Variants in IL1RAPL1 observed in about 807,000 individuals in gnomAD.
IL1RAPL1 encodes the protein interleukin 1 receptor accessory protein like 1.
In IL1RAPL1, 3 loss-of-function variants were observed where a neutral mutation model predicts 48.4. The observed-to-expected ratio is 0.06, with a 90% CI of 0.03 to 0.16. IL1RAPL1 has a LOEUF of 0.16. Ranked by LOEUF, IL1RAPL1 falls within the 10% of genes least tolerant of loss-of-function variation. IL1RAPL1 has a pLI of 1.00. For missense variants in IL1RAPL1, 349 were observed against 530.6 expected, an observed-to-expected ratio of 0.66 and a Z score of 3.36; for synonymous variants, 185 against 187.7, an observed-to-expected ratio of 0.99 and a Z score of 0.12.
At chrX:29,607,839 C>T (rs752337399) in intron 5 of IL1RAPL1, among the ~76,000 whole-genome samples, 11 of 111,313 alleles carry the variant, frequency 9.9e-5, no homozygotes, top group Non-Finnish European at 1.9e-4. Context: ...TGACTTCAAC[C>T]AGCATGTATG....
chrX:29,181,833 C>T (rs1209286792), intron 2 of IL1RAPL1, among the ~76,000 whole-genome samples: 1 of 112,062 alleles, frequency 8.9e-6, no homozygotes, highest in Non-Finnish European at 1.9e-5. Flanking sequence ...AGACCATTTA[C>T]GTTCATTTTT....
At chrX:29,144,143 C>G (rs1326898634) in intron 2 of IL1RAPL1, among the ~76,000 whole-genome samples, 2 of 111,048 alleles carry the variant, frequency 1.8e-5, no homozygotes, top group Admixed American at 9.6e-5. Context: ...AGATGGGTTT[C>G]CAGGAGACCA....
intron 3 of IL1RAPL1, among the ~76,000 whole-genome samples, chrX:29,288,158 T>C (rs191039748): frequency 9.0e-6 from 1 of 111,483 alleles, no homozygotes; most frequent in African/African-American, 3.3e-5. Context: ...TATTTATTTA[T>C]TTTAAGTCCT....
chrX:29,123,696 A>C (rs1285810621), intron 2 of IL1RAPL1, among the ~76,000 whole-genome samples: 2 of 111,398 alleles, frequency 1.8e-5, no homozygotes, highest in African/African-American at 6.5e-5. Context: ...TGTATTTAAA[A>C]ATTTTTTGAG....
intron 6 of IL1RAPL1, among the ~76,000 whole-genome samples, chrX:29,783,823 A>T (rs1247879641): frequency 1.8e-5 from 2 of 112,557 alleles, no homozygotes; most frequent in East Asian, 5.5e-4. Flanking sequence ...TAATGCTAAA[A>T]TAGAAACCAA....
intron 2 of IL1RAPL1, among the ~76,000 whole-genome samples, chrX:28,799,049 G>A (rs1446513327): frequency 8.9e-6 from 1 of 111,801 alleles, no homozygotes; most frequent in African/African-American, 3.3e-5. Context: ...CAGACGTAAA[G>A]TAATAGCAGT....
chrX:28,742,536 G>T (rs954927717), intron 1 of IL1RAPL1, among the ~76,000 whole-genome samples: 1 of 111,835 alleles, frequency 8.9e-6, no homozygotes, highest in African/African-American at 3.2e-5. Flanking sequence ...ACTCCATTAT[G>T]TAGTAGAAAA....
At chrX:29,770,566 C>T (rs1012713253) in intron 6 of IL1RAPL1, among the ~76,000 whole-genome samples, 1 of 111,581 alleles carries the variant, frequency 9.0e-6, no homozygotes, top group Admixed American at 9.5e-5. Context: ...TTATTGTTCT[C>T]CATATTGTAC....
intron 1 of IL1RAPL1, among the ~76,000 whole-genome samples, chrX:28,768,689 CTCTCTCTCTCTGTT>C (rs1230767240): frequency 7.4e-4 from 56 of 76,090 alleles, no homozygotes; most frequent in African/African-American, 2.6e-3. Flanking sequence ...CTCTCTGTCT[CTCTCTCTCTCTGTT>C]TCTCTCTCTC....
At chrX:29,879,650 A>G (rs1205970218) in intron 6 of IL1RAPL1, among the ~76,000 whole-genome samples, 2 of 109,731 alleles carry the variant, frequency 1.8e-5, no homozygotes, top group Non-Finnish European at 3.8e-5. Context: ...TTGTCTTTGG[A>G]AAAAAAAGCT....
rs745393554 is a variant in IL1RAPL1, at chrX:29,864,088, C to T, written c.779-53376C>T. On this transcript the variant is annotated intron_variant, in intron 6 of 10. Coordinates refer to ENST00000378993, the MANE Select transcript of IL1RAPL1 (RefSeq NM_014271.4). ...GCGTGAGCCACCGTGCCCAGCTGCA[C>T]ATACAGCTTCTAATTCAGTAAATGT... 2.7e-5 allele frequency among the ~76,000 whole-genome samples: 3 copies of T among 112,416 alleles called. No individual in the cohort carries two copies. In the East Asian group the frequency reaches 8.4e-4, roughly 32 times the overall value.
intron 2 of IL1RAPL1, among the ~76,000 whole-genome samples, chrX:29,020,893 T>A (rs1255080516): frequency 1.8e-5 from 2 of 112,172 alleles, no homozygotes; most frequent in South Asian, 3.7e-4. Context: ...CTGCACCTAA[T>A]TTCTGATCAT....
chrX:29,744,823 G>C (rs770005072), intron 6 of IL1RAPL1, among the ~76,000 whole-genome samples: 4 of 112,381 alleles, frequency 3.6e-5, no homozygotes, highest in African/African-American at 1.3e-4. Flanking sequence ...GAAATAAACT[G>C]AAAATGAGGA....
At chrX:29,917,747 A>G (rs1285360504) in intron 7 of IL1RAPL1, 151 bp downstream of exon 7, 3 of 463,034 alleles carry the variant, frequency 6.5e-6, no homozygotes, top group Non-Finnish European at 7.4e-6. Flanking sequence ...AACACTGTTA[A>G]CAGACTTACT....
In IL1RAPL1 at chrX:29,081,030, T is replaced by TC. The variant is rs1436925975; in HGVS notation, c.83-201908_83-201907insC. Among the ~76,000 whole-genome samples the TC allele has an allele frequency of 3.5e-3, 267 of 76,261 alleles. 8 individuals are homozygous for TC. Among genetic ancestry groups the TC allele is most frequent in the Middle Eastern group, 7.0e-3 (1 of 142 alleles). 66.2% of individuals were successfully genotyped at this position (76,261 alleles called of 115,157 possible). A position where few individuals can be genotyped will look rare whatever the true frequency, so the allele number is the denominator to read the frequency against. On this transcript the variant is annotated intron_variant, in intron 2 of 10. Transcript: ENST00000378993. ...TCTCTCTCTCTCTCTCTTTCTTTTC[T>TC]TTTCTTTTCTTTTCTTTTCTTTTCT...
At chrX:29,933,657 CAAA>C (rs1217616087) in intron 8 of IL1RAPL1, among the ~76,000 whole-genome samples, 1 of 34,120 alleles carries the variant, frequency 2.9e-5, no homozygotes, top group Non-Finnish European at 6.8e-5. Context: ...ACAAAATAGA[CAAA>C]AAAAAAAAAA....
chrX:28,704,111 A>G (rs1935333897), intron 1 of IL1RAPL1, among the ~76,000 whole-genome samples: 1 of 111,829 alleles, frequency 8.9e-6, no homozygotes, highest in Non-Finnish European at 1.9e-5. Flanking sequence ...CCTAGTATCA[A>G]ATATTCCATA....
chrX:29,229,926 A>G (rs182061865), intron 2 of IL1RAPL1, among the ~76,000 whole-genome samples: 4 of 112,399 alleles, frequency 3.6e-5, no homozygotes, highest in Non-Finnish European at 7.5e-5. Context: ...TGTGTGATAC[A>G]TGATCAGTCA....
chrX:29,496,136 G>A (rs910424993), intron 5 of IL1RAPL1, among the ~76,000 whole-genome samples: 22 of 111,555 alleles, frequency 2.0e-4, no homozygotes, highest in Admixed American at 5.7e-4. Context: ...TACATTCAAT[G>A]TTTCTAAATT....
Sources: allele counts gnomAD v4.1 joint callset (sites outside exome capture counted in the v4.1 genomes callset), GRCh38; gene constraint gnomAD v4.1.1; transcripts MANE v1.5; gene names NCBI Gene and HGNC (gene_info 2026-07-23, HGNC 2026-07-21).